LHFPL3: variants seen among roughly 807,000 people sequenced by gnomAD.
LHFPL3 encodes the protein LHFPL tetraspan subfamily member 3 protein.
LHFPL3 carries 5 observed loss-of-function variants against 19.3 expected under a neutral mutation model. That is an observed-to-expected ratio of 0.26 (90% CI 0.14 to 0.54). The LOEUF is 0.54. LHFPL3 is among the 20% of genes least tolerant of loss of function. The pLI is 0.94. For synonymous variants in LHFPL3, 133 were observed against 126.2 expected (o/e 1.05, Z -0.36); for missense variants, 249 against 307.4 (o/e 0.81, Z 1.42).
At chr7:104,395,527 C>A (rs1791165234) in intron 1 of LHFPL3, among the ~76,000 whole-genome samples, 1 of 152,200 alleles carries the variant, frequency 6.6e-6, no homozygotes, top group African/African-American at 2.4e-5. Context: ...ACTCCTACCC[C>A]AGAGACACTC....
At chr7:104,690,117 C>A (rs902770845) in intron 1 of LHFPL3, among the ~76,000 whole-genome samples, 1 of 152,246 alleles carries the variant, frequency 6.6e-6, no homozygotes, top group Non-Finnish European at 1.5e-5. Flanking sequence ...CCAACACATC[C>A]CCATTCAACT....
chr7:104,477,385 G>A (rs1793042520), intron 1 of LHFPL3, among the ~76,000 whole-genome samples: 1 of 152,138 alleles, frequency 6.6e-6, no homozygotes, highest in Admixed American at 6.6e-5. Context: ...CACTGTGCTT[G>A]GTGATAGACA....
chr7:104,837,642 G>C (rs763783078), intron 2 of LHFPL3, among the ~76,000 whole-genome samples: 1 of 151,960 alleles, frequency 6.6e-6, no homozygotes, highest in African/African-American at 2.4e-5. Context: ...TATTTCCATA[G>C]GTTATTGAGG....
intron 1 of LHFPL3, among the ~76,000 whole-genome samples, chr7:104,479,476 C>G (rs1241554223): frequency 6.6e-6 from 1 of 151,872 alleles, no homozygotes; most frequent in African/African-American, 2.4e-5. Flanking sequence ...ACTGCAACCT[C>G]CGCCTCCCAG....
intron 1 of LHFPL3, among the ~76,000 whole-genome samples, chr7:104,720,944 T>A (rs1409803728): frequency 6.6e-6 from 1 of 152,122 alleles, no homozygotes; most frequent in African/African-American, 2.4e-5. Flanking sequence ...TTGGTGGGAG[T>A]GTAAATTAGT....
chr7:104,370,813 C>T (rs1297586419), intron 1 of LHFPL3, among the ~76,000 whole-genome samples: 2 of 152,114 alleles, frequency 1.3e-5, no homozygotes, highest in Non-Finnish European at 2.9e-5. Context: ...ACCTGGGAGG[C>T]GGAGGTTGCA....
intron 1 of LHFPL3, among the ~76,000 whole-genome samples, chr7:104,484,616 G>A (rs901236611): frequency 1.3e-5 from 2 of 152,176 alleles, no homozygotes; most frequent in African/African-American, 4.8e-5. Context: ...GGTCCATTTT[G>A]TGCTGCTATA....
intron 1 of LHFPL3, among the ~76,000 whole-genome samples, chr7:104,469,499 C>A (rs904736447): frequency 6.6e-6 from 1 of 152,126 alleles, no homozygotes; most frequent in Admixed American, 6.5e-5. Context: ...CTAAACTGTT[C>A]TTAATATTAA....
intron 2 of LHFPL3, among the ~76,000 whole-genome samples, chr7:104,813,850 C>A (rs1790518956): frequency 6.6e-6 from 1 of 152,214 alleles, no homozygotes; most frequent in Non-Finnish European, 1.5e-5. Context: ...GGAGTCATAG[C>A]CCTGACTTGG....
intron 1 of LHFPL3, among the ~76,000 whole-genome samples, chr7:104,430,402 A>ATATATGTATATATATATATATATATG (rs1791952909): frequency 2.9e-5 from 1 of 34,170 alleles, no homozygotes; most frequent in African/African-American, 2.5e-4. Context: ...ATATATATAT[A>ATATATGTATATATATATATATATATG]TACATATATA....
At chr7:104,411,393 G>T (rs972986362) in intron 1 of LHFPL3, among the ~76,000 whole-genome samples, 1 of 152,130 alleles carries the variant, frequency 6.6e-6, no homozygotes, top group Non-Finnish European at 1.5e-5. Context: ...TAACCAGAGG[G>T]TTTATTTGTA....
chr7:104,460,078 T>C (rs1584334398), intron 1 of LHFPL3, among the ~76,000 whole-genome samples: 2 of 152,274 alleles, frequency 1.3e-5, no homozygotes, highest in Admixed American at 6.5e-5. Context: ...TCTCATCATT[T>C]AACTCCCACT....
At chr7:104,591,034 T>C (rs142479427) in intron 1 of LHFPL3, among the ~76,000 whole-genome samples, 53 of 152,306 alleles carry the variant, frequency 3.5e-4, no homozygotes, top group African/African-American at 1.3e-3. Context: ...GTCTCCCGAA[T>C]AGAGCACACT....
At chr7:104,344,119 A>T (rs1165885984) in intron 1 of LHFPL3, among the ~76,000 whole-genome samples, 1 of 152,140 alleles carries the variant, frequency 6.6e-6, no homozygotes, top group African/African-American at 2.4e-5. Flanking sequence ...GAAATGATCA[A>T]ATTACTTTTC....
At chr7:104,499,798 C>T (rs888940058) in intron 1 of LHFPL3, among the ~76,000 whole-genome samples, 2 of 151,790 alleles carry the variant, frequency 1.3e-5, no homozygotes, top group Non-Finnish European at 2.9e-5. Flanking sequence ...CACATTTAAC[C>T]CCAAAACTAT....
intron 2 of LHFPL3, among the ~76,000 whole-genome samples, chr7:104,898,766 G>T (rs1792420443): frequency 6.6e-6 from 1 of 152,058 alleles, no homozygotes; most frequent in African/African-American, 2.4e-5. Context: ...GCTGCAGCGG[G>T]CTGTCATCTT....
chr7:104,739,134 T>G (rs1793884336), intron 2 of LHFPL3: 1 of 148,698 alleles, frequency 6.7e-6, no homozygotes, highest in South Asian at 2.2e-4. Context: ...GTAGGGAATA[T>G]CAGACCCTCA....
intron 1 of LHFPL3, among the ~76,000 whole-genome samples, chr7:104,521,684 T>G (rs1794066687): frequency 6.6e-6 from 1 of 151,758 alleles, no homozygotes; most frequent in African/African-American, 2.4e-5. Flanking sequence ...ACAAACAAAT[T>G]TACAAGAAAA....
intron 1 of LHFPL3, among the ~76,000 whole-genome samples, chr7:104,640,528 G>T (rs1254286225): frequency 6.6e-6 from 1 of 152,076 alleles, no homozygotes; most frequent in South Asian, 2.1e-4. Flanking sequence ...TCATTGATGG[G>T]CATTTGGTTT....
Sources: allele counts gnomAD v4.1 joint callset (sites outside exome capture counted in the v4.1 genomes callset), GRCh38; gene constraint gnomAD v4.1.1; transcripts MANE v1.5; gene names NCBI Gene and HGNC (gene_info 2026-07-23, HGNC 2026-07-21).